RP1: variants seen among roughly 807,000 people sequenced by gnomAD.
The protein encoded by RP1 is oxygen-regulated protein 1.
RP1 carries 16 observed loss-of-function variants against 14.8 expected under a neutral mutation model. The ratio of observed to expected loss-of-function variants is 1.08; its 90% confidence interval spans 0.73 to 1.65. The LOEUF is 1.65. Among genes scored for constraint, RP1 ranks in the 40% most tolerant of loss-of-function variants. The pLI is 0.00. For synonymous variants in RP1, 876 were observed against 883.6 expected (o/e 0.99, Z 0.15); for missense variants, 2,631 against 2,535.0 (o/e 1.04, Z -0.81).
chr8:54,600,482 ATGG>A (rs1231936354), intron 1 of RP1, among the ~76,000 whole-genome samples: 3 of 152,134 alleles, frequency 2.0e-5, no homozygotes, highest in Non-Finnish European at 4.4e-5. Context: ...TTACTGCTAA[ATGG>A]TGGTGAAAGT....
chr8:54,726,213 A>G, intron 16 of RP1: 5 of 1,023,846 alleles, frequency 4.9e-6, no homozygotes, highest in Non-Finnish European at 6.7e-6. Flanking sequence ...ATTCTGAGTA[A>G]AGAGATTTGA....
In RP1 at chr8:54,626,609, T is replaced by C; in HGVS notation, c.2727T>C (p.His909=). The change falls in exon 4 of 4, where the codon CAT becomes CAC. Residue 909 remains histidine, a synonymous_variant. Transcript: ENST00000220676. The part of the protein sequence containing the change: ...KKPDFPEAIA[H]HSIQNYIQSW... ...CTGATTTTCCTGAGGCTATTGCTCA[T>C]CATTCAATTCAAAATTATATACAGA... 1 of 1,613,624 alleles carries C rather than the reference T, an allele frequency of 6.2e-7. No individual in the cohort carries two copies. The highest frequency in any genetic ancestry group is 1.1e-5 in the South Asian group (1 of 90,996).
At chr8:54,755,541 C>T (rs1409365924) in intron 20 of RP1, 3 of 1,394,926 alleles carry the variant, frequency 2.2e-6, no homozygotes, top group East Asian at 2.5e-5. Context: ...GCCTGAAAAC[C>T]TATGGATCTG....
rs1217710499 is a variant in RP1, at chr8:54,626,374, A to G, written c.2492A>G (p.Lys831Arg). 1.9e-6 allele frequency: 3 copies of G among 1,613,616 alleles called. No homozygotes were observed. In the South Asian group the frequency reaches 3.3e-5, roughly 18 times the overall value. The change falls in exon 4 of 4, where the codon AAA (lysine) becomes AGA (arginine). Residue 831 changes from lysine (K) to arginine (R), a missense_variant. By Grantham distance (26) the Lys-to-Arg change is conservative. Transcript: ENST00000220676. ...HVFNILEQKP[K>R]DFYAPQSQAE... ...TTTAACATCCTTGAGCAAAAACCCA[A>G]AGATTTTTATGCACCGCAATCTCAA...
At chr8:54,593,941 A>C (rs1203698743) in intron 1 of RP1, among the ~76,000 whole-genome samples, 1 of 152,254 alleles carries the variant, frequency 6.6e-6, no homozygotes, top group Non-Finnish European at 1.5e-5. Flanking sequence ...GAGGAAGGTG[A>C]AAGTCAGTGG....
intron 24 of RP1, among the ~76,000 whole-genome samples, chr8:54,832,015 G>A (rs1811541752): frequency 6.6e-6 from 1 of 151,686 alleles, no homozygotes; most frequent in African/African-American, 2.4e-5. Flanking sequence ...AGCAAAAATA[G>A]CCACTATTCT....
chr8:54,734,646 C>G, exon 18 of RP1: 2 of 1,535,792 alleles, frequency 1.3e-6, no homozygotes, highest in Non-Finnish European at 1.7e-6. Context: ...CAATGTCACT[C>G]TCTGGGTGTA....
chr8:54,661,205 ATAT>A (rs1374041637), intron 6 of RP1, among the ~76,000 whole-genome samples: 4 of 147,368 alleles, frequency 2.7e-5, no homozygotes, highest in African/African-American at 9.8e-5. Context: ...ATATATAATT[ATAT>A]TATTATATAT....
At chr8:54,605,765 G>T (rs548550426) in intron 1 of RP1, among the ~76,000 whole-genome samples, 1 of 152,168 alleles carries the variant, frequency 6.6e-6, no homozygotes, top group South Asian at 2.1e-4. Context: ...GGCTCTTCTT[G>T]TTGAATTGAT....
chr8:54,613,267 C>T (rs184994211), upstream of RP1, among the ~76,000 whole-genome samples: 22 of 152,214 alleles, frequency 1.4e-4, no homozygotes, highest in African/African-American at 3.4e-4. Context: ...TGACAAAGGA[C>T]GAAGGCCATA....
chr8:54,616,990 TGC>T (rs1260534686), intron 1 of RP1, among the ~76,000 whole-genome samples: 1 of 152,226 alleles, frequency 6.6e-6, no homozygotes, highest in Non-Finnish European at 1.5e-5. Context: ...TTAAAAAATC[TGC>T]TTAATATTAA....
chr8:54,760,491 GA>G (rs1809612671), intron 22 of RP1, among the ~76,000 whole-genome samples: 1 of 151,968 alleles, frequency 6.6e-6, no homozygotes, highest in Non-Finnish European at 1.5e-5. Context: ...AATGTTTCAA[GA>G]AAAAATATGG....
rs1805989743 is a variant in RP1, at chr8:54,625,015, C to T, written c.1133C>T (p.Ser378Phe). Residue 378 changes from serine to phenylalanine, a missense_variant, in exon 4 of 4, where the codon TCT becomes TTT. By Grantham distance (155) the Ser-to-Phe change is radical. Coordinates refer to ENST00000220676, the MANE Select transcript of RP1 (RefSeq NM_006269.2). ...CCAGGAAGAACAGAAAGTCGATCAT[C>T]TGGTTTAAAGCTTGCAGCATGTTCA... ...SFPGRTESRSSGLKLAACSFS... is the reference protein window; with the variant it reads ...SFPGRTESRSFGLKLAACSFS... 6.2e-7 allele frequency: 1 copy of T among 1,614,020 alleles called. No homozygotes were observed. Among genetic ancestry groups the T allele is most frequent in the Non-Finnish European group, 8.5e-7 (1 of 1,180,026 alleles).
At chr8:54,663,970 A>G (rs1346644588) in intron 7 of RP1, 31 of 979,640 alleles carry the variant, frequency 3.2e-5, no homozygotes, top group Non-Finnish European at 4.2e-5. Flanking sequence ...TGTTAAGTAT[A>G]TTCACATTTC....
intron 24 of RP1, among the ~76,000 whole-genome samples, chr8:54,810,963 A>T (rs1810977636): frequency 6.6e-6 from 1 of 152,248 alleles, no homozygotes; most frequent in Admixed American, 6.5e-5. Context: ...ACAGAGGGCC[A>T]AACCCAGGGT....
At chr8:54,847,910 G>A (rs1811969064) in intron 25 of RP1, among the ~76,000 whole-genome samples, 1 of 152,220 alleles carries the variant, frequency 6.6e-6, no homozygotes, top group Admixed American at 6.5e-5. Flanking sequence ...GAATCAAACA[G>A]CTGCTGCTTC....
intron 27 of RP1, among the ~76,000 whole-genome samples, chr8:54,862,120 G>A (rs1812355170): frequency 6.6e-6 from 1 of 152,050 alleles, no homozygotes; most frequent in Admixed American, 6.6e-5. Flanking sequence ...GAATTATCAG[G>A]CCCCAAATGT....
chr8:54,744,263 C>T (rs1407647420), intron 19 of RP1, among the ~76,000 whole-genome samples: 18 of 152,080 alleles, frequency 1.2e-4, no homozygotes, highest in Non-Finnish European at 1.5e-5. Context: ...GGAGGAAGTT[C>T]CCTCCAGCAG....
At chr8:54,562,589 G>C (rs536234477) in intron 1 of RP1, among the ~76,000 whole-genome samples, 13 of 151,942 alleles carry the variant, frequency 8.6e-5, no homozygotes, top group African/African-American at 3.1e-4. Flanking sequence ...CAGAAGAATC[G>C]ATTGAACCCG....
Sources: gnomAD v4.1 joint callset for allele counts (sites outside exome capture counted in the v4.1 genomes callset) on GRCh38, gnomAD v4.1.1 for gene constraint, MANE v1.5 for transcripts, NCBI Gene and HGNC (gene_info 2026-07-23, HGNC 2026-07-21) for gene names.